OSBPL9: variants seen among roughly 807,000 people sequenced by gnomAD.
OSBPL9 encodes the protein oxysterol-binding protein-related protein 9.
OSBPL9 carries 40 observed loss-of-function variants against 106.6 expected under a neutral mutation model. The observed-to-expected ratio is 0.38, with a 90% CI of 0.29 to 0.49. The LOEUF is 0.49. OSBPL9 is among the 20% of genes least tolerant of loss of function. OSBPL9 has a pLI of 0.97. For missense variants in OSBPL9, 609 were observed against 887.2 expected, an observed-to-expected ratio of 0.69 and a Z score of 3.98; for synonymous variants, 269 against 295.4, an observed-to-expected ratio of 0.91 and a Z score of 0.92.
At chr1:51,668,631 C>T (rs114435139) in intron 2 of OSBPL9, among the ~76,000 whole-genome samples, 1,815 of 152,190 alleles carry the variant, frequency 0.012, 37 homozygotes, top group African/African-American at 0.042. Flanking sequence ...GAGACTCTGT[C>T]TCAAAAAATA....
chr1:51,604,242 C>A (rs940576453), intron 2 of OSBPL9, among the ~76,000 whole-genome samples: 4 of 152,172 alleles, frequency 2.6e-5, no homozygotes, highest in Non-Finnish European at 5.9e-5. Flanking sequence ...CTGCCTCTAC[C>A]ACTTCATTTT....
At chr1:51,632,387 A>G (rs1339370725) in intron 1 of OSBPL9, among the ~76,000 whole-genome samples, 1 of 152,158 alleles carries the variant, frequency 6.6e-6, no homozygotes, top group Non-Finnish European at 1.5e-5. Flanking sequence ...AACAGTGAAG[A>G]CATTGAAATT....
At chr1:51,595,566 G>C (rs951638607) in intron 1 of OSBPL9, among the ~76,000 whole-genome samples, 3 of 152,196 alleles carry the variant, frequency 2.0e-5, no homozygotes, top group Non-Finnish European at 4.4e-5. Flanking sequence ...GGGGGAGGGA[G>C]GAGGAGGAGC....
At chr1:51,693,031 A>G (rs1310978098) in intron 3 of OSBPL9, among the ~76,000 whole-genome samples, 2 of 152,122 alleles carry the variant, frequency 1.3e-5, no homozygotes, top group Admixed American at 6.5e-5. Context: ...CACTTGTCCT[A>G]TAATTATGAC....
rs1265345831 is a variant in OSBPL9 at position 51,650,732 on chromosome 1, G to A, written c.112-1259G>A. On this transcript the variant is annotated intron_variant, in intron 1 of 23. Transcript: ENST00000428468. The stretch of plus-strand genomic sequence containing the variant: ...GCTTGTTTTGCTGCTTTCTCACACA[G>A]GTGGAGTACAGGAAAATACCAGTTG... 3.9e-5 allele frequency among the ~76,000 whole-genome samples: 6 copies of A among 151,950 alleles called. No individual in the cohort carries two copies. The South Asian group carries it at 6.2e-4, about 16-fold the overall frequency.
At chr1:51,640,060 G>C (rs916255918) in intron 1 of OSBPL9, among the ~76,000 whole-genome samples, 4 of 151,792 alleles carry the variant, frequency 2.6e-5, no homozygotes, top group Non-Finnish European at 4.4e-5. Context: ...TCAAATTCCT[G>C]AGCTCAAGCA....
the OSBPL9 span, among the ~76,000 whole-genome samples, chr1:51,550,239 G>GCTAC: frequency 6.6e-6 from 1 of 152,302 alleles, no homozygotes; most frequent in Non-Finnish European, 1.5e-5. Context: ...TCTATAAAGA[G>GCTAC]CTACAAGAAT....
At chr1:51,737,545 GGTGTGTGT>G (rs57886494) in intron 4 of OSBPL9, among the ~76,000 whole-genome samples, 369 of 142,518 alleles carry the variant, frequency 2.6e-3, no homozygotes, top group South Asian at 9.6e-3. Context: ...ATATTTCAGG[GGTGTGTGT>G]GTGTGTGTGT....
intron 1 of OSBPL9, among the ~76,000 whole-genome samples, chr1:51,630,699 A>G (rs944331014): frequency 1.3e-5 from 2 of 152,134 alleles, no homozygotes; most frequent in Admixed American, 1.3e-4. Context: ...TTACAAAAAA[A>G]ATTTCTTTCT....
intron 3 of OSBPL9, among the ~76,000 whole-genome samples, chr1:51,683,372 G>T (rs186486003): frequency 6.6e-6 from 1 of 151,288 alleles, no homozygotes; most frequent in South Asian, 2.1e-4. Flanking sequence ...TAGAGACAAG[G>T]TTTCTCCTTG....
At chr1:51,530,182 A>AAAAAAAAAAAC in the OSBPL9 span, among the ~76,000 whole-genome samples, 1 of 116,826 alleles carries the variant, frequency 8.6e-6, no homozygotes. Flanking sequence ...AAAAAAAAAA[A>AAAAAAAAAAAC]AAAAAAAAAA....
chr1:51,592,309 G>T (rs1645280918), intron 1 of OSBPL9, among the ~76,000 whole-genome samples: 1 of 151,948 alleles, frequency 6.6e-6, no homozygotes, highest in Admixed American at 6.6e-5. Flanking sequence ...TAGAGACAGG[G>T]TTTCACCGTG....
At chr1:51,612,064 C>G (rs952465722) in intron 2 of OSBPL9, among the ~76,000 whole-genome samples, 1 of 152,196 alleles carries the variant, frequency 6.6e-6, no homozygotes, top group Non-Finnish European at 1.5e-5. Context: ...TTGGTATTAT[C>G]TCTGATTCTC....
intron 3 of OSBPL9, among the ~76,000 whole-genome samples, chr1:51,698,056 T>C (rs1341182107): frequency 6.6e-6 from 1 of 152,140 alleles, no homozygotes; most frequent in African/African-American, 2.4e-5. Context: ...CACAACCTTA[T>C]AAGGCCGAGG....
intron 1 of OSBPL9, among the ~76,000 whole-genome samples, chr1:51,639,277 C>T (rs1645630594): frequency 6.6e-6 from 1 of 152,162 alleles, no homozygotes; most frequent in Non-Finnish European, 1.5e-5. Flanking sequence ...GTTTGCCTGT[C>T]AAGTTTTCCT....
chr1:51,557,190 G>A, the OSBPL9 span, among the ~76,000 whole-genome samples: 1 of 152,040 alleles, frequency 6.6e-6, no homozygotes. Flanking sequence ...AATAAGAAAG[G>A]CTTTTATTTG....
intron 4 of OSBPL9, among the ~76,000 whole-genome samples, chr1:51,737,877 C>T (rs1169220115): frequency 6.6e-6 from 1 of 151,890 alleles, no homozygotes; most frequent in Non-Finnish European, 1.5e-5. Context: ...CTAGCTATAT[C>T]CTATATAGAG....
Position 51,788,678 on chromosome 1 carries a change from T to A in OSBPL9, c.*889T>A, listed in dbSNP as rs991187639. On this transcript the variant is annotated 3_prime_UTR_variant, in exon 24 of 24. Coordinates refer to ENST00000428468, the MANE Select transcript of OSBPL9 (RefSeq NM_024586.6). ...CTCATATTGCACATGTAGGGCTGCCTACCAACATTTTATCCAAAAATGTTT... is the reference window on the plus strand; with the variant it reads ...CTCATATTGCACATGTAGGGCTGCCAACCAACATTTTATCCAAAAATGTTT... 6.6e-6 allele frequency among the ~76,000 whole-genome samples: 1 copy of A among 152,172 alleles called. No homozygotes were observed. The highest frequency in any genetic ancestry group is 1.5e-5 in the Non-Finnish European group (1 of 68,038).
At chr1:51,535,219 C>T in the OSBPL9 span, among the ~76,000 whole-genome samples, 1 of 152,170 alleles carries the variant, frequency 6.6e-6, no homozygotes, top group African/African-American at 2.4e-5. Flanking sequence ...AATGTCTTTT[C>T]CTGGTTGCAG....
Sources: allele counts gnomAD v4.1 joint callset (sites outside exome capture counted in the v4.1 genomes callset), GRCh38; gene constraint gnomAD v4.1.1; transcripts MANE v1.5; gene names NCBI Gene and HGNC (gene_info 2026-07-23, HGNC 2026-07-21).